DCAF5: variants seen among roughly 807,000 people sequenced by gnomAD.
The protein encoded by DCAF5 is DDB1 and CUL4 associated factor 5, also known as DDB1- and CUL4-associated factor 5.
Under a neutral mutation model 80.7 loss-of-function variants are expected in DCAF5, and 9 were observed. The ratio of observed to expected loss-of-function variants is 0.11; its 90% CI spans 0.07 to 0.19. DCAF5 has a LOEUF of 0.19. Among genes scored for constraint, DCAF5 ranks in the 10% least tolerant of loss-of-function variants. The pLI is 1.00. For missense variants in DCAF5, 842 were observed against 1,205.7 expected (o/e 0.70, Z 4.47); for synonymous variants, 433 against 461.9 (o/e 0.94, Z 0.80).
chr14:69,148,218 C>A (rs116864930), intron 1 of DCAF5, among the ~76,000 whole-genome samples: 3,032 of 151,662 alleles, frequency 0.02, 50 homozygotes, highest in Non-Finnish European at 0.032. Flanking sequence ...CAACCAAAGA[C>A]CTAAAGGGTA....
chr14:69,059,115 C>T (rs1349492233), intron 8 of DCAF5, among the ~76,000 whole-genome samples: 1 of 152,156 alleles, frequency 6.6e-6, no homozygotes, highest in East Asian at 1.9e-4. Flanking sequence ...GGGAAAGGGT[C>T]TCACTCTGTC....
At chr14:69,086,560 A>C (rs2039328605) in intron 6 of DCAF5, among the ~76,000 whole-genome samples, 1 of 152,004 alleles carries the variant, frequency 6.6e-6, no homozygotes, top group South Asian at 2.1e-4. Flanking sequence ...TTTCAGATAA[A>C]GGAGAACATA....
At chr14:69,072,322 T>C (rs1174724339) in intron 7 of DCAF5, among the ~76,000 whole-genome samples, 2 of 152,072 alleles carry the variant, frequency 1.3e-5, no homozygotes, top group East Asian at 3.8e-4. Flanking sequence ...ATAATATTAT[T>C]TGATTTAAAA....
intron 5 of DCAF5, among the ~76,000 whole-genome samples, chr14:69,109,535 G>C (rs1209728244): frequency 6.6e-6 from 1 of 151,870 alleles, no homozygotes; most frequent in African/African-American, 2.4e-5. Context: ...TCCATAACTT[G>C]CCTGTTCTTG....
Position 69,094,761 on chromosome 14 carries a change from G to A in DCAF5, c.666-2874C>T, listed in dbSNP as rs77613362. ...TCAAAGATTCTGGCTTCAAGTGTAA[G>A]ATGCATGAAAAATCATCTAGGACTT... On this transcript the variant is annotated intron_variant, in intron 5 of 8. Transcript: ENST00000341516. Among the ~76,000 whole-genome samples the A allele has an allele frequency of 7.9e-5, 12 of 152,228 alleles. No homozygotes were observed. In the East Asian group the frequency reaches 2.3e-3, roughly 29 times the overall value.
chr14:69,145,095 G>A (rs1441618452), intron 1 of DCAF5, among the ~76,000 whole-genome samples: 1 of 152,062 alleles, frequency 6.6e-6, no homozygotes, highest in Non-Finnish European at 1.5e-5. Context: ...ATGGCTCACT[G>A]CAGCCTTGAC....
At chr14:69,073,769 GAGA>G (rs767598270) in intron 7 of DCAF5, among the ~76,000 whole-genome samples, 1 of 152,168 alleles carries the variant, frequency 6.6e-6, no homozygotes, top group Non-Finnish European at 1.5e-5. Context: ...TAGTCCTGGG[GAGA>G]AGAAGGATTA....
At chr14:69,141,138 T>TAA (rs1566789265) in intron 1 of DCAF5, among the ~76,000 whole-genome samples, 2 of 81,780 alleles carry the variant, frequency 2.4e-5, no homozygotes, top group African/African-American at 1.2e-4. Flanking sequence ...CATCTCAAAT[T>TAA]TAAAAAAAAA....
intron 7 of DCAF5, among the ~76,000 whole-genome samples, chr14:69,072,656 GA>G (rs1217756163): frequency 1.5e-5 from 2 of 137,510 alleles, no homozygotes; most frequent in South Asian, 2.3e-4. Flanking sequence ...CGAGAGAAAA[GA>G]AAAAAAATGT....
At chr14:69,143,469 A>G (rs2041436209) in intron 1 of DCAF5, among the ~76,000 whole-genome samples, 1 of 151,894 alleles carries the variant, frequency 6.6e-6, no homozygotes, top group African/African-American at 2.4e-5. Context: ...TAAGTGTTAC[A>G]TATGCCTGGC....
chr14:69,081,128 T>C (rs2039085491), intron 6 of DCAF5, among the ~76,000 whole-genome samples: 1 of 152,140 alleles, frequency 6.6e-6, no homozygotes, highest in Non-Finnish European at 1.5e-5. Flanking sequence ...CCTTTTATCT[T>C]ATACTCTATT....
intron 7 of DCAF5, among the ~76,000 whole-genome samples, chr14:69,066,194 G>A (rs1467678620): frequency 2.6e-5 from 4 of 151,690 alleles, no homozygotes; most frequent in African/African-American, 9.7e-5. Flanking sequence ...GAGTGTAGTG[G>A]CATGATCTCA....
chr14:69,125,562 T>C (rs1478060346), intron 1 of DCAF5, among the ~76,000 whole-genome samples: 2 of 152,258 alleles, frequency 1.3e-5, no homozygotes, highest in Non-Finnish European at 2.9e-5. Context: ...ATGTACGTTA[T>C]AATTTAGACA....
intron 6 of DCAF5, chr14:69,090,845 T>C: frequency 2.1e-6 from 1 of 467,466 alleles, no homozygotes; most frequent in Non-Finnish European, 3.8e-6. Context: ...GGTTTTTCTT[T>C]TTCCCAATCT....
chr14:69,146,544 T>C (rs56788993), intron 1 of DCAF5, among the ~76,000 whole-genome samples: 1 of 152,178 alleles, frequency 6.6e-6, no homozygotes, highest in Non-Finnish European at 1.5e-5. Flanking sequence ...AAGAGCATTT[T>C]TGCTGTATTA....
chr14:69,137,076 T>A (rs1202219366), intron 1 of DCAF5, among the ~76,000 whole-genome samples: 1 of 152,196 alleles, frequency 6.6e-6, no homozygotes, highest in African/African-American at 2.4e-5. Context: ...TTTCCTATAA[T>A]TAATACATAA....
At position 69,091,902 on chromosome 14, in the gene DCAF5, G is replaced by C; in HGVS notation, c.666-15C>G. The C allele has an allele frequency of 1.2e-6, 2 of 1,600,182 alleles. No homozygotes were observed. The highest frequency in any genetic ancestry group is 1.1e-5 in the South Asian group (1 of 89,890). On this transcript the variant is annotated splice_polypyrimidine_tract_variant and intron_variant, in intron 5 of 8. Coordinates refer to ENST00000341516, the MANE Select transcript of DCAF5 (RefSeq NM_003861.3). ...GCAGGAGAGAACTGGAAGGCACAAG[G>C]CACAGGAATCAGGCATGAGATAGGC... is the stretch of plus-strand genomic sequence containing the variant.
chr14:69,089,066 T>C (rs547977998), intron 6 of DCAF5: 79 of 152,770 alleles, frequency 5.2e-4, no homozygotes, highest in African/African-American at 1.9e-3. Context: ...CCTAATTGGA[T>C]GAATTATTTA....
chr14:69,129,810 G>C (rs1217513742), intron 1 of DCAF5, among the ~76,000 whole-genome samples: 2 of 152,226 alleles, frequency 1.3e-5, no homozygotes, highest in African/African-American at 4.8e-5. Flanking sequence ...CTCAGTGCCA[G>C]TGCCAGGCAA....
Sources: gnomAD v4.1 joint callset for allele counts (sites outside exome capture counted in the v4.1 genomes callset) on GRCh38, gnomAD v4.1.1 for gene constraint, MANE v1.5 for transcripts, NCBI Gene and HGNC (gene_info 2026-07-23, HGNC 2026-07-21) for gene names.